The following AFF3 variants were observed in gnomAD, a reference collection of about 807,000 sequenced individuals.
AFF3 encodes AF4/FMR2 family member 3.
A neutral mutation model predicts 129.7 loss-of-function variants in AFF3; 32 were observed. That is an observed-to-expected ratio of 0.25 (90% CI 0.19 to 0.33). The LOEUF is 0.33. Ranked by LOEUF, AFF3 falls within the 10% of genes least tolerant of loss-of-function variation. The pLI, the probability that AFF3 is intolerant of heterozygous loss-of-function variation, is 1.00. For missense variants in AFF3, 1,373 were observed against 1,592.0 expected, an observed-to-expected ratio of 0.86 and a Z score of 2.34; for synonymous variants, 644 against 635.4, an observed-to-expected ratio of 1.01 and a Z score of -0.20.
chr2:99,835,461 C>T (rs546186244), intron 8 of AFF3, among the ~76,000 whole-genome samples: 177 of 152,190 alleles, frequency 1.2e-3, no homozygotes, highest in Non-Finnish European at 1.7e-3. Context: ...GGTAGAGGAT[C>T]TTGGAGAATG....
At chr2:100,106,893 TG>T in intron 2 of AFF3, 1 of 985,402 alleles carries the variant, frequency 1.0e-6, no homozygotes, top group Non-Finnish European at 1.2e-6. Context: ...GGCCCTGGGA[TG>T]GTATAGAGCT....
At chr2:99,894,696 C>T (rs1029542083) in intron 7 of AFF3, among the ~76,000 whole-genome samples, 2 of 151,772 alleles carry the variant, frequency 1.3e-5, no homozygotes, top group Admixed American at 6.6e-5. Context: ...AGGATGGTCT[C>T]GATCTCCTGA....
At chr2:99,570,262 T>C (rs1676353592) in intron 18 of AFF3, among the ~76,000 whole-genome samples, 2 of 152,210 alleles carry the variant, frequency 1.3e-5, no homozygotes, top group Admixed American at 6.5e-5. Flanking sequence ...TCCTTCTTTG[T>C]CCACATATTG....
intron 2 of AFF3, among the ~76,000 whole-genome samples, chr2:100,113,794 C>G (rs945565226): frequency 6.6e-6 from 1 of 151,986 alleles, no homozygotes; most frequent in African/African-American, 2.4e-5. Context: ...GAGGGAAAAC[C>G]ACAGAATAGA....
At chr2:100,140,598 T>G (rs971344686) in intron 1 of AFF3, among the ~76,000 whole-genome samples, 1 of 152,144 alleles carries the variant, frequency 6.6e-6, no homozygotes, top group African/African-American at 2.4e-5. Flanking sequence ...TAACAAAATG[T>G]GTGTAAAATG....
intron 4 of AFF3, among the ~76,000 whole-genome samples, chr2:100,101,098 A>G (rs1300138861): frequency 6.6e-6 from 1 of 152,168 alleles, no homozygotes; most frequent in African/African-American, 2.4e-5. Context: ...GAAAAAGTTG[A>G]AACAGCCATC....
At chr2:99,839,967 C>A (rs1043408875) in intron 7 of AFF3, among the ~76,000 whole-genome samples, 2 of 150,746 alleles carry the variant, frequency 1.3e-5, no homozygotes, top group Non-Finnish European at 3.0e-5. Flanking sequence ...TGTTTATCTT[C>A]TTTGGAGAAA....
At chr2:99,708,228 A>C (rs1020653435) in intron 11 of AFF3, among the ~76,000 whole-genome samples, 1 of 152,130 alleles carries the variant, frequency 6.6e-6, no homozygotes, top group African/African-American at 2.4e-5. Flanking sequence ...TTGGAGGTTC[A>C]ATGGAAGGGA....
Position 100,105,532 on chromosome 2 carries a change from T to C in AFF3, c.-93A>G. ...GAAGGGGGACAAACTGGCCTCTGGG[T>C]GTCGACTTCAAACTTGCCGCCCGTC... On this transcript the variant is annotated 5_prime_UTR_variant, in exon 3 of 25. Coordinates refer to ENST00000672756, the MANE Select transcript of AFF3 (RefSeq NM_001386135.1). 1 of 1,331,662 alleles carries C rather than the reference T, an allele frequency of 7.5e-7. No individual in the cohort carries two copies. The allele number at this position is 1,331,662 out of a possible 1,614,324, so 82.5% of individuals were successfully genotyped here.
chr2:99,853,281 A>T (rs1690281082), intron 7 of AFF3, among the ~76,000 whole-genome samples: 1 of 152,216 alleles, frequency 6.6e-6, no homozygotes, highest in Non-Finnish European at 1.5e-5. Flanking sequence ...GGTTTCTAAA[A>T]CATGTTTCTT....
At chr2:99,561,674 G>C (rs142781080) in intron 20 of AFF3, among the ~76,000 whole-genome samples, 3 of 152,152 alleles carry the variant, frequency 2.0e-5, no homozygotes, top group African/African-American at 7.2e-5. Context: ...CACTGTGCCT[G>C]GACTGCTGGT....
At chr2:100,130,895 A>G (rs6713524) in intron 1 of AFF3, among the ~76,000 whole-genome samples, 31,545 of 152,132 alleles carry the variant, frequency 0.21, 4,029 homozygotes, top group East Asian at 0.56. Context: ...TTCATTTCCA[A>G]ACAAAGATAG....
chr2:99,813,569 C>T (rs1558874879), intron 8 of AFF3, among the ~76,000 whole-genome samples: 2 of 152,148 alleles, frequency 1.3e-5, no homozygotes, highest in South Asian at 2.1e-4. Context: ...GAGGTCTGTG[C>T]ACCTTGTCTG....
At chr2:99,778,897 CGTGTGTG>C (rs1684164643) in intron 8 of AFF3, among the ~76,000 whole-genome samples, 7 of 43,100 alleles carry the variant, frequency 1.6e-4, no homozygotes, top group Non-Finnish European at 2.9e-4. Context: ...TGTGTGTGCG[CGTGTGTG>C]TGTGTGTGTG....
intron 11 of AFF3, among the ~76,000 whole-genome samples, chr2:99,696,726 G>A (rs145927607): frequency 0.037 from 3,622 of 96,852 alleles, 132 homozygotes; most frequent in African/African-American, 0.12. Flanking sequence ...GCTCACTGCA[G>A]CCTCAAACTC....
chr2:100,005,688 A>C (rs1417724325), intron 7 of AFF3, among the ~76,000 whole-genome samples: 2 of 152,236 alleles, frequency 1.3e-5, no homozygotes, highest in African/African-American at 4.8e-5. Context: ...CATCTCATAG[A>C]TTAAAAAAGA....
chr2:99,911,057 C>T (rs1304465065), intron 7 of AFF3, among the ~76,000 whole-genome samples: 2 of 152,196 alleles, frequency 1.3e-5, no homozygotes, highest in Non-Finnish European at 1.5e-5. Context: ...TTCTGATTTG[C>T]GCACACATGC....
intron 2 of AFF3, chr2:100,109,999 C>T (rs908453997): frequency 6.6e-6 from 1 of 152,254 alleles, no homozygotes; most frequent in Non-Finnish European, 1.5e-5. Context: ...CTCTACCCCT[C>T]TCTGCAATTC....
intron 16 of AFF3, among the ~76,000 whole-genome samples, chr2:99,586,471 T>G (rs889675979): frequency 6.6e-6 from 1 of 152,266 alleles, no homozygotes; most frequent in Non-Finnish European, 1.5e-5. Flanking sequence ...CAAAATTCTA[T>G]GTATACGGTC....
Sources: gnomAD v4.1 joint callset for allele counts (sites outside exome capture counted in the v4.1 genomes callset) on GRCh38, gnomAD v4.1.1 for gene constraint, MANE v1.5 for transcripts, NCBI Gene and HGNC (gene_info 2026-07-23, HGNC 2026-07-21) for gene names.